Variants in BBS7 observed in about 807,000 individuals in gnomAD.
BBS7 encodes Bardet-Biedl syndrome 7.
Under a neutral mutation model 90.3 loss-of-function variants are expected in BBS7, and 50 were observed. That is an observed-to-expected ratio of 0.55 (90% confidence interval 0.44 to 0.70). The LOEUF (loss-of-function observed/expected upper bound fraction) is 0.70. BBS7 is among the 30% of genes least tolerant of loss of function. BBS7 has a pLI of 0.00. For synonymous variants in BBS7, 235 were observed against 287.4 expected (o/e 0.82, Z 1.85); for missense variants, 729 against 838.9 (o/e 0.87, Z 1.62).
rs1258851646 is a variant in BBS7, at chr4:121,854,807, TTC to T, written c.613_614del (p.Glu205ArgfsTer30). ...LHNGNGGDSGEDLLFGTSDGK... is the reference protein window; with the variant it reads ...LHNGNGGDSGXDLLFGTSDGK... Reference sequence around the variant, plus strand: ...CGTCTGATGTCCCAAACAAAAGGTCTTCTCCAGAGTCACCTACTTATAATTAA... The same window carrying T: ...CGTCTGATGTCCCAAACAAAAGGTCTTCCAGAGTCACCTACTTATAATTAA... On this transcript the variant is annotated frameshift_variant, in exon 7 of 19. Coordinates refer to ENST00000264499, the MANE Select transcript of BBS7 (RefSeq NM_176824.3). LOFTEE classifies it high-confidence loss of function. The T allele has an allele frequency of 3.7e-6, 6 of 1,611,866 alleles. No individual in the cohort carries two copies. The highest frequency in any genetic ancestry group is 4.2e-6 in the Non-Finnish European group (5 of 1,178,524).
At chr4:121,845,045 A>G (rs1293800776) in intron 11 of BBS7, among the ~76,000 whole-genome samples, 1 of 152,190 alleles carries the variant, frequency 6.6e-6, no homozygotes, top group Non-Finnish European at 1.5e-5. Flanking sequence ...AATTATCTAA[A>G]GGAAGAATAA....
intron 15 of BBS7, among the ~76,000 whole-genome samples, chr4:121,832,673 C>T (rs1725258243): frequency 6.6e-6 from 1 of 152,124 alleles, no homozygotes; most frequent in Non-Finnish European, 1.5e-5. Context: ...AGGATAGCTA[C>T]AAAAAGCCTG....
At chr4:121,848,230 T>A (rs571241371) in intron 9 of BBS7, among the ~76,000 whole-genome samples, 1 of 152,288 alleles carries the variant, frequency 6.6e-6, no homozygotes, top group East Asian at 1.9e-4. Context: ...CTTTCTACAT[T>A]TTAGTAACCC....
intron 12 of BBS7, 92 bp from the exon 13 acceptor site, chr4:121,839,788 T>TA: frequency 9.0e-7 from 1 of 1,110,230 alleles, no homozygotes; most frequent in Non-Finnish European, 1.4e-6. Flanking sequence ...ACCATTTGCT[T>TA]AAGCACCTGT....
intron 15 of BBS7, among the ~76,000 whole-genome samples, chr4:121,832,788 A>G (rs750028651): frequency 6.6e-6 from 1 of 152,236 alleles, no homozygotes; most frequent in Non-Finnish European, 1.5e-5. Context: ...CAATTTGGGT[A>G]GGACTGTCAT....
In BBS7 at chr4:121,828,762, T is replaced by G. The variant is rs775215881; in HGVS notation, c.1677-34A>C. Reference sequence around the variant, plus strand: ...TTAATATATTTTTTAAAAGAATAGCTGTAGAAGGAAATTGTCCAGTACATA... The same window carrying G: ...TTAATATATTTTTTAAAAGAATAGCGGTAGAAGGAAATTGTCCAGTACATA... On this transcript the variant is annotated intron_variant, in intron 15 of 18. Coordinates refer to ENST00000264499, the MANE Select transcript of BBS7 (RefSeq NM_176824.3). The G allele has an allele frequency of 1.4e-5, 18 of 1,266,596 alleles. No individual in the cohort carries two copies. In the South Asian group the frequency reaches 1.8e-4, roughly 13 times the overall value. 78.5% of individuals were successfully genotyped at this position (1,266,596 alleles called of 1,614,324 possible). A position where few individuals can be genotyped will look rare whatever the true frequency, so the allele number is the denominator to read the frequency against.
intron 2 of BBS7, 80 bp downstream of exon 2, chr4:121,867,901 C>A: frequency 8.1e-7 from 1 of 1,230,372 alleles, no homozygotes; most frequent in Middle Eastern, 1.9e-4. Flanking sequence ...AAGAGAATAA[C>A]TTAATAATAA....
intron 5 of BBS7, chr4:121,858,698 G>C (rs1181899390): frequency 3.6e-6 from 1 of 280,612 alleles, no homozygotes; most frequent in Non-Finnish European, 6.7e-6. Context: ...AAAACAAAAA[G>C]GCAGGTAAAG....
chr4:121,865,394 G>A (rs575807526), intron 2 of BBS7, among the ~76,000 whole-genome samples: 57 of 151,974 alleles, frequency 3.8e-4, no homozygotes, highest in African/African-American at 9.6e-4. Flanking sequence ...GCCTGCCATC[G>A]TGCCTGGCTA....
chr4:121,845,452 G>C, intron 11 of BBS7, 52 bp downstream of exon 11: 2 of 1,381,206 alleles, frequency 1.4e-6, no homozygotes, highest in East Asian at 2.3e-5. Context: ...CATATGACTG[G>C]TTTGCAAAAT....
At chr4:121,855,246 C>T (rs1056006721) in intron 6 of BBS7, among the ~76,000 whole-genome samples, 3 of 151,972 alleles carry the variant, frequency 2.0e-5, no homozygotes, top group East Asian at 1.9e-4. Flanking sequence ...AGGTCGAGGC[C>T]GTGGTGAGCT....
chr4:121,857,469 C>T (rs180731474), intron 5 of BBS7, among the ~76,000 whole-genome samples: 1 of 152,160 alleles, frequency 6.6e-6, no homozygotes, highest in East Asian at 1.9e-4. Context: ...GATATCTACA[C>T]GTAACTATAT....
chr4:121,833,464 A>G (rs1725296393), intron 14 of BBS7, 69 bp from the exon 15 acceptor site: 1 of 1,399,046 alleles, frequency 7.1e-7, no homozygotes, highest in African/African-American at 1.4e-5. Flanking sequence ...GTACACGTTA[A>G]TAAGCAGAAT....
At position 121,826,765 on chromosome 4, in the gene BBS7, C is replaced by T. The variant is rs563734653; in HGVS notation, c.2015-772G>A. Among the ~76,000 whole-genome samples the T allele has an allele frequency of 5.9e-5, 9 of 152,220 alleles. No individual in the cohort carries two copies. The South Asian group carries it at 1.7e-3, about 28-fold the overall frequency. On this transcript the variant is annotated intron_variant, in intron 18 of 18. Transcript: ENST00000264499. Reference sequence around the variant, plus strand: ...TTGGGAGGCTGAGGTGGGCAGATCACGAAGTCAGGGGTTGGAGACCAGCCT... The same window carrying T: ...TTGGGAGGCTGAGGTGGGCAGATCATGAAGTCAGGGGTTGGAGACCAGCCT...
chr4:121,862,486 C>G (rs1017460793), intron 3 of BBS7, among the ~76,000 whole-genome samples: 1 of 152,124 alleles, frequency 6.6e-6, no homozygotes, highest in Admixed American at 6.5e-5. Context: ...CTAGAATTCA[C>G]ATCTCAGACT....
intron 12 of BBS7, among the ~76,000 whole-genome samples, chr4:121,840,612 T>C (rs575677072): frequency 6.6e-6 from 1 of 152,244 alleles, no homozygotes; most frequent in East Asian, 1.9e-4. Flanking sequence ...AAATTGAATA[T>C]TAAACTACTA....
chr4:121,849,687 G>C (rs963826306), intron 8 of BBS7, among the ~76,000 whole-genome samples: 8 of 151,970 alleles, frequency 5.3e-5, no homozygotes, highest in Admixed American at 5.2e-4. Flanking sequence ...AAAATTAGCC[G>C]GGCGTGGTGG....
At position 121,825,659 on chromosome 4, in the gene BBS7, TAA is replaced by T. The variant is rs1724871526; in HGVS notation, c.*199_*200del. 6 of 478,964 alleles carry T rather than the reference TAA, an allele frequency of 1.3e-5. No individual in the cohort carries two copies. Among genetic ancestry groups the T allele is most frequent in the South Asian group, 8.1e-5 (2 of 24,768 alleles). The allele number at this position is 478,964 out of a possible 1,614,324, so 29.7% of individuals were successfully genotyped here. On this transcript the variant is annotated 3_prime_UTR_variant, in exon 19 of 19. Transcript: ENST00000264499. ...AATCATTCTACTTGTGTTTTAAAAA[TAA>T]AAAGACTCTTTTAGTTTTAGAAAGT...
intron 15 of BBS7, among the ~76,000 whole-genome samples, chr4:121,830,358 G>GT (rs1317171920): frequency 1.3e-5 from 2 of 152,096 alleles, no homozygotes; most frequent in Non-Finnish European, 2.9e-5. Flanking sequence ...CTGAGATTGA[G>GT]ACACTGCACT....
Sources: allele counts gnomAD v4.1 joint callset (sites outside exome capture counted in the v4.1 genomes callset), GRCh38; gene constraint gnomAD v4.1.1; transcripts MANE v1.5; gene names NCBI Gene and HGNC (gene_info 2026-07-23, HGNC 2026-07-21).